The following AFF3 variants were observed in gnomAD, a reference collection of about 807,000 sequenced individuals.
The protein encoded by AFF3 is AF4/FMR2 family member 3.
A neutral mutation model predicts 129.7 loss-of-function variants in AFF3; 32 were observed. That is an observed-to-expected ratio of 0.25 (90% CI 0.19 to 0.33). The LOEUF is 0.33. AFF3 is among the 10% of genes least tolerant of loss of function. AFF3 has a pLI of 1.00. For synonymous variants in AFF3, 644 were observed against 635.4 expected (o/e 1.01, Z -0.20); for missense variants, 1,373 against 1,592.0 (o/e 0.86, Z 2.34).
chr2:99,696,717 C>CGCAA, intron 11 of AFF3, among the ~76,000 whole-genome samples: 1 of 151,272 alleles, frequency 6.6e-6, no homozygotes, highest in Non-Finnish European at 1.5e-5. Context: ...AGTGCAGTGG[C>CGCAA]TCACTGCAGC....
chr2:99,703,417 T>G (rs1575743435), intron 11 of AFF3, among the ~76,000 whole-genome samples: 2 of 152,324 alleles, frequency 1.3e-5, no homozygotes, highest in East Asian at 3.9e-4. Flanking sequence ...GCATTTTGAG[T>G]TAATTTTTGG....
At chr2:99,670,236 T>C (rs1575650944) in intron 12 of AFF3, among the ~76,000 whole-genome samples, 1 of 150,478 alleles carries the variant, frequency 6.6e-6, no homozygotes, top group East Asian at 1.9e-4. Context: ...CAGATAGGAG[T>C]GTTCAAAAGC....
chr2:99,815,810 T>TTCTC (rs747354542), intron 8 of AFF3, among the ~76,000 whole-genome samples: 30 of 147,658 alleles, frequency 2.0e-4, no homozygotes, highest in East Asian at 1.4e-3. Flanking sequence ...TCCTGGTTCC[T>TTCTC]TCTCTCTCTC....
intron 8 of AFF3, among the ~76,000 whole-genome samples, chr2:99,755,046 C>A (rs1205456607): frequency 6.6e-6 from 1 of 152,130 alleles, no homozygotes; most frequent in East Asian, 1.9e-4. Context: ...AATCCAATAA[C>A]CACCCAACCT....
At chr2:100,044,523 C>T (rs980206694) in intron 4 of AFF3, among the ~76,000 whole-genome samples, 2 of 151,734 alleles carry the variant, frequency 1.3e-5, no homozygotes, top group Non-Finnish European at 2.9e-5. Context: ...AGTTGACTTT[C>T]CTGTCCCACT....
chr2:99,727,422 T>C (rs564878093), intron 10 of AFF3, among the ~76,000 whole-genome samples: 1 of 152,318 alleles, frequency 6.6e-6, no homozygotes, highest in African/African-American at 2.4e-5. Flanking sequence ...TGGAACCTGT[T>C]TCCTTCCACT....
intron 15 of AFF3, among the ~76,000 whole-genome samples, chr2:99,592,936 C>CA (rs1391714934): frequency 1.4e-4 from 12 of 86,426 alleles, no homozygotes; most frequent in South Asian, 5.5e-4. Context: ...ACTCCCTCCC[C>CA]CCCCCCCAAA....
intron 8 of AFF3, among the ~76,000 whole-genome samples, chr2:99,770,300 C>G (rs1362387865): frequency 6.6e-6 from 1 of 152,202 alleles, no homozygotes; most frequent in East Asian, 1.9e-4. Flanking sequence ...CAGGCCACTG[C>G]CGATGTTAAC....
intron 7 of AFF3, among the ~76,000 whole-genome samples, chr2:99,840,594 ACT>A (rs1689245134): frequency 6.6e-6 from 1 of 151,910 alleles, no homozygotes; most frequent in Admixed American, 6.6e-5. Context: ...CCTTTCCTAT[ACT>A]CATCCTTCCT....
At chr2:100,123,757 A>G (rs1412466617) in intron 2 of AFF3, among the ~76,000 whole-genome samples, 1 of 152,222 alleles carries the variant, frequency 6.6e-6, no homozygotes, top group African/African-American at 2.4e-5. Context: ...GAGAGAGGTC[A>G]GAGCCAAAAC....
At chr2:99,917,951 GA>G (rs1221178117) in intron 7 of AFF3, among the ~76,000 whole-genome samples, 1 of 151,886 alleles carries the variant, frequency 6.6e-6, no homozygotes, top group Non-Finnish European at 1.5e-5. Context: ...CCTAGGAAGA[GA>G]AAAAAAATCT....
At chr2:99,666,774 TA>T (rs1442076446) in intron 12 of AFF3, among the ~76,000 whole-genome samples, 6 of 152,176 alleles carry the variant, frequency 3.9e-5, no homozygotes, top group Non-Finnish European at 7.4e-5. Flanking sequence ...TCAGAAAAAG[TA>T]GACCTCAGAG....
chr2:99,892,906 T>C (rs917368072), intron 7 of AFF3, among the ~76,000 whole-genome samples: 2 of 152,170 alleles, frequency 1.3e-5, no homozygotes, highest in Non-Finnish European at 2.9e-5. Context: ...CAGCTCGTGG[T>C]GGGGCCCAGC....
rs1437404021 is a variant in AFF3, at chr2:100,008,802, A to G, written c.174+10T>C. 1 of 1,612,626 alleles carries G rather than the reference A, an allele frequency of 6.2e-7. No individual in the cohort carries two copies. ...TGAGAGGTAGAGATGAACAACTGAA[A>G]ACCATCTACCTTGTAGGGCTCACTG... On this transcript the variant is annotated intron_variant, in intron 5 of 24. Transcript: ENST00000672756.
At chr2:99,824,670 G>C (rs1687940960) in intron 8 of AFF3, among the ~76,000 whole-genome samples, 1 of 152,172 alleles carries the variant, frequency 6.6e-6, no homozygotes, top group African/African-American at 2.4e-5. Flanking sequence ...GCTAGTGCTA[G>C]CATATGATAA....
intron 8 of AFF3, among the ~76,000 whole-genome samples, chr2:99,809,905 C>T (rs1179008666): frequency 6.6e-6 from 1 of 152,120 alleles, no homozygotes. Flanking sequence ...CTGAATAGAG[C>T]ATTTTATTCA....
rs145904755 is a variant in AFF3, at chr2:99,828,348, G to C, written c.921+9129C>G. Among the ~76,000 whole-genome samples the C allele has an allele frequency of 1.7e-4, 26 of 152,302 alleles. No homozygotes were observed. The East Asian group carries it at 4.6e-3, about 27-fold the overall frequency. ...AGTTTGGTTACTGTGATCCTGCCCT[G>C]GCAGTGAGATCCAGCATAAAGCAGA... is the stretch of plus-strand genomic sequence containing the variant. On this transcript the variant is annotated intron_variant, in intron 8 of 24. Coordinates refer to ENST00000672756, the MANE Select transcript of AFF3 (RefSeq NM_001386135.1).
chr2:99,730,558 C>G (rs1679742319), intron 10 of AFF3, among the ~76,000 whole-genome samples: 2 of 151,164 alleles, frequency 1.3e-5, no homozygotes, highest in Admixed American at 1.3e-4. Context: ...CTCTGTTGCC[C>G]AGGCTGGAGT....
rs377758992 is a variant in AFF3, at chr2:99,649,678, A to G, written c.1144-12T>C. ...CTCTGAGCTGCCTGCTGGAAGAAAGAAAGGGCAGAGATGTTTATTTAATAT... is the reference window on the plus strand; with the variant it reads ...CTCTGAGCTGCCTGCTGGAAGAAAGGAAGGGCAGAGATGTTTATTTAATAT... On this transcript the variant is annotated splice_polypyrimidine_tract_variant and intron_variant, in intron 12 of 24. Transcript: ENST00000672756. 6.2e-7 allele frequency: 1 copy of G among 1,613,978 alleles called. No homozygotes were observed. The highest frequency in any genetic ancestry group is 8.5e-7 in the Non-Finnish European group (1 of 1,179,932).
Sources: allele counts gnomAD v4.1 joint callset (sites outside exome capture counted in the v4.1 genomes callset), GRCh38; gene constraint gnomAD v4.1.1; transcripts MANE v1.5; gene names NCBI Gene and HGNC (gene_info 2026-07-23, HGNC 2026-07-21).